PRKCQ: variants seen among roughly 807,000 people sequenced by gnomAD.
PRKCQ encodes the protein protein kinase C theta, also known as protein kinase C theta type.
PRKCQ carries 41 observed loss-of-function variants against 91.2 expected under a neutral mutation model. That is an observed-to-expected ratio of 0.45 (90% CI 0.35 to 0.58). PRKCQ has a LOEUF of 0.58. Ranked by LOEUF, PRKCQ falls within the 20% of genes least tolerant of loss-of-function variation. PRKCQ has a pLI of 0.00. For missense variants in PRKCQ, 673 were observed against 896.5 expected (o/e 0.75, Z 3.18); for synonymous variants, 307 against 316.9 (o/e 0.97, Z 0.33).
intron 12 of PRKCQ, among the ~76,000 whole-genome samples, chr10:6,469,884 A>G (rs1277248652): frequency 6.6e-6 from 1 of 152,026 alleles, no homozygotes; most frequent in Non-Finnish European, 1.5e-5. Flanking sequence ...GAAAGAAAAG[A>G]AGAACCCTTA....
chr10:6,460,678 G>C (rs1835274400), intron 14 of PRKCQ, among the ~76,000 whole-genome samples: 2 of 152,104 alleles, frequency 1.3e-5, no homozygotes, highest in Non-Finnish European at 1.5e-5. Context: ...TTTTAGTAGA[G>C]ACAGGATTTG....
At chr10:6,512,235 T>C (rs1021037914) in intron 2 of PRKCQ, 3 of 152,250 alleles carry the variant, frequency 2.0e-5, no homozygotes, top group African/African-American at 7.2e-5. Flanking sequence ...CTCTAATTCT[T>C]GGGTGAAGAT....
the PRKCQ span, among the ~76,000 whole-genome samples, chr10:6,395,024 T>A: frequency 3.5e-4 from 53 of 149,622 alleles, no homozygotes; most frequent in African/African-American, 1.2e-3. Context: ...ACAAATAATT[T>A]ACACAGAGCC....
At chr10:6,443,901 C>T (rs998419518) in intron 15 of PRKCQ, among the ~76,000 whole-genome samples, 6 of 152,184 alleles carry the variant, frequency 3.9e-5, no homozygotes, top group Non-Finnish European at 7.3e-5. Flanking sequence ...GTAACTACTT[C>T]TGCACCAACC....
the PRKCQ span, among the ~76,000 whole-genome samples, chr10:6,410,770 G>A: frequency 6.6e-6 from 1 of 152,144 alleles, no homozygotes; most frequent in Non-Finnish European, 1.5e-5. Flanking sequence ...ATCACCTGAG[G>A]TTAGGAGTTC....
chr10:6,432,517 AG>A (rs1453182040), intron 16 of PRKCQ, among the ~76,000 whole-genome samples: 1 of 152,230 alleles, frequency 6.6e-6, no homozygotes, highest in Non-Finnish European at 1.5e-5. Flanking sequence ...GGGACTGCTG[AG>A]GACTCTCTAG....
rs1208959161 is a variant in PRKCQ, at chr10:6,427,555, C to T, written c.*652G>A. 1 of 152,384 alleles carries T rather than the reference C, an allele frequency of 6.6e-6. No homozygotes were observed. The highest frequency in any genetic ancestry group is 1.9e-4 in the East Asian group (1 of 5,192). The allele number at this position is 152,384 out of a possible 1,614,324, so 9.4% of individuals were successfully genotyped here. A position where few individuals can be genotyped will look rare whatever the true frequency, so the allele number is the denominator to read the frequency against. On this transcript the variant is annotated 3_prime_UTR_variant, in exon 18 of 18. Transcript: ENST00000263125. ...TTGACAAGATAACAAGCGAAGGTGT[C>T]TAGCAAACCTTCCCTCTCACTTTCC... is the stretch of plus-strand genomic sequence containing the variant.
At chr10:6,534,127 T>C (rs979418077) in intron 1 of PRKCQ, among the ~76,000 whole-genome samples, 3 of 152,052 alleles carry the variant, frequency 2.0e-5, no homozygotes, top group Non-Finnish European at 4.4e-5. Context: ...AATCCCCTAA[T>C]GAAAAAATGG....
chr10:6,564,882 C>T (rs1840781951), intron 1 of PRKCQ, among the ~76,000 whole-genome samples: 5 of 152,110 alleles, frequency 3.3e-5, no homozygotes, highest in African/African-American at 1.2e-4. Flanking sequence ...CAATATATAC[C>T]CACTTGTACT....
chr10:6,399,266 A>G, the PRKCQ span, among the ~76,000 whole-genome samples: 2 of 152,260 alleles, frequency 1.3e-5, no homozygotes, highest in African/African-American at 4.8e-5. Flanking sequence ...ACCGTGATTT[A>G]CTTACTAGAT....
In PRKCQ at chr10:6,532,117, C is replaced by T. The variant is rs925125145; in HGVS notation, c.-9-16973G>A. Among the ~76,000 whole-genome samples the T allele has an allele frequency of 2.2e-4, 33 of 152,218 alleles. 1 individual carries two copies. In the South Asian group the frequency reaches 6.4e-3, roughly 30 times the overall value. ...TATGCCGAAGGATTGTTTAATCGGC[C>T]AGATGTCGGACCCTATCAGACTTAA... is the stretch of plus-strand genomic sequence containing the variant. On this transcript the variant is annotated intron_variant, in intron 1 of 17. Transcript: ENST00000263125.
intron 1 of PRKCQ, among the ~76,000 whole-genome samples, chr10:6,517,588 CTTTTTTTTTTTTTTTTT>C (rs56306878): frequency 4.8e-4 from 24 of 49,492 alleles, no homozygotes; most frequent in South Asian, 2.4e-3. Context: ...AAGATAGCAT[CTTTTTTTTTTTTTTTTT>C]TTTTTTTTTT....
At position 6,557,957 on chromosome 10, in the gene PRKCQ, C is replaced by T. The variant is rs79214061; in HGVS notation, c.-10+22254G>A. 8.5e-3 allele frequency among the ~76,000 whole-genome samples: 1,296 copies of T among 152,334 alleles called. 14 individuals carry two copies. The highest frequency in any genetic ancestry group is 0.029 in the African/African-American group (1,219 of 41,576). On this transcript the variant is annotated intron_variant, in intron 1 of 17. Coordinates refer to ENST00000263125, the MANE Select transcript of PRKCQ (RefSeq NM_006257.5). ...TTTGTTGCATTTCATCACTGCTCTT[C>T]AGTCTTTTAGCTCTGGAACTTCAGA...
the PRKCQ span, among the ~76,000 whole-genome samples, chr10:6,421,343 G>A: frequency 6.6e-6 from 1 of 152,118 alleles, no homozygotes; most frequent in African/African-American, 2.4e-5. This position sits in a 1 kb window ranked among gnomAD's most constrained non-coding sequence, Gnocchi z 4.1. Context: ...AAATTAATCA[G>A]GCATGGTGGT....
At chr10:6,532,124 C>T (rs140606050) in intron 1 of PRKCQ, among the ~76,000 whole-genome samples, 4 of 152,134 alleles carry the variant, frequency 2.6e-5, no homozygotes, top group African/African-American at 7.2e-5. Context: ...GGCCAGATGT[C>T]GGACCCTATC....
chr10:6,542,636 C>T (rs961810974), intron 1 of PRKCQ, among the ~76,000 whole-genome samples: 3 of 152,168 alleles, frequency 2.0e-5, no homozygotes, highest in Non-Finnish European at 2.9e-5. Context: ...AGTTCAACAG[C>T]TGGATCACTA....
intron 12 of PRKCQ, among the ~76,000 whole-genome samples, chr10:6,478,288 T>A (rs1188460011): frequency 6.6e-6 from 1 of 152,230 alleles, no homozygotes; most frequent in Non-Finnish European, 1.5e-5. Context: ...CTTCAAAGTA[T>A]TAATGGCGAG....
rs780262945 is a variant in PRKCQ, at chr10:6,441,998, C to T, written c.1731G>A (p.Ser577=). 3.2e-5 allele frequency: 52 copies of T among 1,614,048 alleles called. No individual in the cohort carries two copies. The highest frequency in any genetic ancestry group is 2.6e-4 in the South Asian group (24 of 91,092). ...CCTCCTCATCCTGCCCGTGGAAAGG[C>T]GACTGACCAATCAGCATTTCATAAA... ...VLLYEMLIGQ[S]PFHGQDEEEL... is the part of the protein sequence containing the mutation. Residue 577 remains serine (S), a synonymous_variant, in exon 16 of 18, where the codon TCG becomes TCA. Coordinates refer to ENST00000263125, the MANE Select transcript of PRKCQ (RefSeq NM_006257.5).
chr10:6,527,187 A>C (rs1839230297), intron 1 of PRKCQ, among the ~76,000 whole-genome samples: 1 of 152,198 alleles, frequency 6.6e-6, no homozygotes. Flanking sequence ...AGCTTTTCTG[A>C]ATCAAGAATT....
Sources: allele counts gnomAD v4.1 joint callset (sites outside exome capture counted in the v4.1 genomes callset), GRCh38; gene constraint gnomAD v4.1.1; non-coding constraint Gnocchi (gnomAD v3.1); transcripts MANE v1.5; gene names NCBI Gene and HGNC (gene_info 2026-07-23, HGNC 2026-07-21).